RERE: variants seen among roughly 807,000 people sequenced by gnomAD.
RERE encodes arginine-glutamic acid dipeptide repeats protein.
A neutral mutation model predicts 146.1 loss-of-function variants in RERE; 40 were observed. That is an observed-to-expected ratio of 0.27 (90% CI 0.21 to 0.36). RERE has a LOEUF of 0.36. RERE is among the 10% of genes least tolerant of loss of function. The pLI is 1.00. For missense variants in RERE, 1,933 were observed against 2,138.7 expected (o/e 0.90, Z 1.90); for synonymous variants, 1,003 against 866.0 (o/e 1.16, Z -2.78).
At chr1:8,466,686 A>C (rs61787922) in intron 10 of RERE, among the ~76,000 whole-genome samples, 1 of 152,238 alleles carries the variant, frequency 6.6e-6, no homozygotes, top group Non-Finnish European at 1.5e-5. Flanking sequence ...GTAAGTCTGT[A>C]ATAGTATGCT....
chr1:8,523,569 C>T (rs546249246), intron 7 of RERE, among the ~76,000 whole-genome samples: 1 of 152,208 alleles, frequency 6.6e-6, no homozygotes, highest in Non-Finnish European at 1.5e-5. Flanking sequence ...TCACCTCCTC[C>T]ACCAGACAAG....
At chr1:8,715,457 G>A (rs922747157) in intron 1 of RERE, among the ~76,000 whole-genome samples, 2 of 152,020 alleles carry the variant, frequency 1.3e-5, no homozygotes, top group Non-Finnish European at 2.9e-5. Flanking sequence ...GTTTTGGTAA[G>A]CCGAGATTGC....
intron 3 of RERE, among the ~76,000 whole-genome samples, chr1:8,620,024 T>C (rs1201969167): frequency 6.6e-6 from 1 of 152,240 alleles, no homozygotes; most frequent in African/African-American, 2.4e-5. Flanking sequence ...TGGAAGTCCC[T>C]GATTATAGCT....
chr1:8,559,070 G>A (rs1325750942), intron 4 of RERE, among the ~76,000 whole-genome samples: 2 of 150,852 alleles, frequency 1.3e-5, no homozygotes, highest in African/African-American at 4.9e-5. Context: ...AATCTGCTGG[G>A]ATTTCAAGCA....
chr1:8,700,110 A>C (rs930642203), intron 1 of RERE, among the ~76,000 whole-genome samples: 2 of 152,044 alleles, frequency 1.3e-5, no homozygotes, highest in African/African-American at 4.8e-5. Flanking sequence ...TTCGAGACCA[A>C]CCTCGCCAAC....
Position 8,603,028 on chromosome 1 carries a change from G to A in RERE, c.522+11533C>T, listed in dbSNP as rs577056266. On this transcript the variant is annotated intron_variant, in intron 4 of 22. Transcript: ENST00000400908. ...AGAGGCATGATGTGAGAATGATGCT[G>A]GCTGACAGTGCCTCTCAGGCAGAAG... Among the ~76,000 whole-genome samples, 3 of 152,352 alleles carry A rather than the reference G, an allele frequency of 2.0e-5. No homozygotes were observed. The South Asian group carries it at 6.2e-4, about 32-fold the overall frequency.
intron 1 of RERE, among the ~76,000 whole-genome samples, chr1:8,769,691 G>C (rs778280693): frequency 1.8e-4 from 28 of 152,028 alleles, no homozygotes; most frequent in Non-Finnish European, 3.5e-4. Flanking sequence ...TGCCCAGGCT[G>C]GTCTCGAACT....
intron 1 of RERE, among the ~76,000 whole-genome samples, chr1:8,683,190 G>A (rs955156026): frequency 2.6e-5 from 4 of 151,994 alleles, no homozygotes; most frequent in East Asian, 3.8e-4. Context: ...ATATTCAAAG[G>A]GGAGAGGATG....
intron 3 of RERE, among the ~76,000 whole-genome samples, chr1:8,621,141 C>T (rs1464102622): frequency 6.6e-6 from 1 of 152,068 alleles, no homozygotes; most frequent in Non-Finnish European, 1.5e-5. Context: ...ATCATCCACA[C>T]TCAAGACATT....
chr1:8,383,125 A>T (rs941782829), intron 12 of RERE, among the ~76,000 whole-genome samples: 2 of 151,998 alleles, frequency 1.3e-5, no homozygotes, highest in African/African-American at 4.8e-5. Flanking sequence ...AGAGAATGTT[A>T]GAGATGGTGA....
intron 8 of RERE, among the ~76,000 whole-genome samples, chr1:8,507,928 T>C (rs1355184927): frequency 6.8e-6 from 1 of 146,800 alleles, no homozygotes; most frequent in Non-Finnish European, 1.5e-5. Flanking sequence ...TTAGTAGAAA[T>C]GGGATTTGCC....
chr1:8,548,542 G>A (rs188618213), intron 6 of RERE, among the ~76,000 whole-genome samples: 12 of 152,216 alleles, frequency 7.9e-5, no homozygotes, highest in Admixed American at 1.3e-4. Context: ...TCAATAAACG[G>A]GTTTCTCACC....
intron 1 of RERE, among the ~76,000 whole-genome samples, chr1:8,799,661 G>C (rs1240035148): frequency 1.3e-5 from 2 of 152,118 alleles, no homozygotes; most frequent in Admixed American, 6.6e-5. Flanking sequence ...AGTAAGCCAG[G>C]CTTGTCCAAT....
chr1:8,551,220 T>G lies in RERE; in HGVS notation c.725+5255A>C, dbSNP rs931130292. Among the ~76,000 whole-genome samples, 4 of 152,208 alleles carry G rather than the reference T, an allele frequency of 2.6e-5. No homozygotes were observed. In the East Asian group the frequency reaches 7.7e-4, roughly 29 times the overall value. On this transcript the variant is annotated intron_variant, in intron 6 of 22. Transcript: ENST00000400908. ...GCAAGACACTTACGATCTCCTGTGC[T>G]GCCCTCCACAATCAATACTGGAGAA...
intron 12 of RERE, among the ~76,000 whole-genome samples, chr1:8,398,394 T>C (rs1408644270): frequency 6.6e-6 from 1 of 152,152 alleles, no homozygotes; most frequent in African/African-American, 2.4e-5. Flanking sequence ...TTGCTCAGGG[T>C]TGGTTCTCAC....
At chr1:8,681,177 G>C (rs1036707280) in intron 1 of RERE, among the ~76,000 whole-genome samples, 6 of 152,042 alleles carry the variant, frequency 3.9e-5, no homozygotes, top group South Asian at 2.1e-4. Flanking sequence ...GGAGAGAAAC[G>C]GCCAACAATA....
chr1:8,562,458 A>C (rs1028756256), intron 4 of RERE, among the ~76,000 whole-genome samples: 4 of 145,346 alleles, frequency 2.8e-5, no homozygotes, highest in Admixed American at 1.4e-4. Context: ...GACCACTGGG[A>C]AGTAAATAAC....
At chr1:8,545,337 A>G (rs1381405055) in intron 6 of RERE, among the ~76,000 whole-genome samples, 1 of 152,220 alleles carries the variant, frequency 6.6e-6, no homozygotes, top group Non-Finnish European at 1.5e-5. Context: ...GGCGGGCCCC[A>G]GAGAGTTTTA....
intron 1 of RERE, among the ~76,000 whole-genome samples, chr1:8,755,594 A>T (rs536125489): frequency 6.6e-6 from 1 of 152,306 alleles, no homozygotes; most frequent in Non-Finnish European, 1.5e-5. Flanking sequence ...GCAGTGTAAA[A>T]ACTAAATAGT....
Sources: gnomAD v4.1 joint callset for allele counts (sites outside exome capture counted in the v4.1 genomes callset) on GRCh38, gnomAD v4.1.1 for gene constraint, MANE v1.5 for transcripts, NCBI Gene and HGNC (gene_info 2026-07-23, HGNC 2026-07-21) for gene names.